The following DOCK4 variants were observed in gnomAD, a reference collection of about 807,000 sequenced individuals.
DOCK4 encodes dedicator of cytokinesis protein 4.
In DOCK4, 97 loss-of-function variants were observed where a neutral mutation model predicts 268.1. The ratio of observed to expected loss-of-function variants is 0.36; its 90% confidence interval spans 0.31 to 0.43. The LOEUF is 0.43. Among genes scored for constraint, DOCK4 ranks in the 20% least tolerant of loss-of-function variants. The pLI, the probability that DOCK4 is intolerant of heterozygous loss-of-function variation, is 1.00. For missense variants in DOCK4, 2,145 were observed against 2,455.7 expected, an observed-to-expected ratio of 0.87 and a Z score of 2.67; for synonymous variants, 954 against 887.2, an observed-to-expected ratio of 1.08 and a Z score of -1.34.
chr7:112,140,034 TC>T (rs1814749232), intron 1 of DOCK4, among the ~76,000 whole-genome samples: 1 of 151,958 alleles, frequency 6.6e-6, no homozygotes, highest in African/African-American at 2.4e-5. Context: ...AAAAGAGACA[TC>T]CCCTAAGGCC....
chr7:112,104,134 A>G (rs144193388), intron 1 of DOCK4, among the ~76,000 whole-genome samples: 1 of 152,272 alleles, frequency 6.6e-6, no homozygotes, highest in Non-Finnish European at 1.5e-5. Flanking sequence ...CCAGCCACAC[A>G]GAAAGATCTC....
chr7:112,173,043 A>G (rs1214653178), intron 1 of DOCK4, among the ~76,000 whole-genome samples: 3 of 152,218 alleles, frequency 2.0e-5, no homozygotes, highest in East Asian at 1.9e-4. Context: ...TCACACAGAC[A>G]TTTATAATTT....
chr7:111,959,684 C>G (rs1796714022), intron 8 of DOCK4, among the ~76,000 whole-genome samples: 1 of 152,154 alleles, frequency 6.6e-6, no homozygotes, highest in African/African-American at 2.4e-5. Flanking sequence ...ACAACTCAGT[C>G]TTTTCAAAAG....
chr7:112,193,711 T>C (rs1238216595), intron 1 of DOCK4, among the ~76,000 whole-genome samples: 1 of 152,030 alleles, frequency 6.6e-6, no homozygotes. Flanking sequence ...TTGATTACAC[T>C]GAGGTTGAGG....
intron 1 of DOCK4, among the ~76,000 whole-genome samples, chr7:112,200,178 A>C (rs1587043496): frequency 2.0e-5 from 3 of 152,334 alleles, no homozygotes; most frequent in Admixed American, 2.0e-4. Flanking sequence ...GTCAGGACCC[A>C]TTAACAAGTC....
chr7:111,987,806 C>G (rs1018325253), intron 6 of DOCK4, among the ~76,000 whole-genome samples: 1 of 152,212 alleles, frequency 6.6e-6, no homozygotes, highest in Non-Finnish European at 1.5e-5. Context: ...TCTTGCTGCC[C>G]CTCCACATTT....
intron 8 of DOCK4, among the ~76,000 whole-genome samples, chr7:111,953,467 A>G (rs773796686): frequency 1.2e-4 from 19 of 152,194 alleles, no homozygotes; most frequent in Non-Finnish European, 2.5e-4. Flanking sequence ...CATTCTGTCA[A>G]ATGTTTTCTG....
At chr7:111,759,099 T>C (rs1797224390) in intron 40 of DOCK4, among the ~76,000 whole-genome samples, 1 of 152,166 alleles carries the variant, frequency 6.6e-6, no homozygotes. Context: ...TGTAGGTAGA[T>C]GGGAATGGTT....
At chr7:111,840,903 C>G in intron 25 of DOCK4, 2 of 1,222,694 alleles carry the variant, frequency 1.6e-6, no homozygotes, top group South Asian at 2.4e-5. Context: ...TTCAACAGAT[C>G]TTCAGTCTCC....
At chr7:111,935,452 G>C (rs556966201) in intron 12 of DOCK4, 88 bp downstream of exon 12, 1 of 1,127,726 alleles carries the variant, frequency 8.9e-7, no homozygotes, top group Non-Finnish European at 1.4e-6. Flanking sequence ...AAAAACAAAG[G>C]GCTGATAATT....
At chr7:112,139,316 C>T (rs1014004710) in intron 1 of DOCK4, among the ~76,000 whole-genome samples, 8 of 152,104 alleles carry the variant, frequency 5.3e-5, no homozygotes, top group Non-Finnish European at 7.4e-5. Flanking sequence ...CTGAGTCTTT[C>T]GAACAAAGAC....
chr7:111,759,941 T>C (rs531704108), intron 40 of DOCK4, among the ~76,000 whole-genome samples: 1 of 151,836 alleles, frequency 6.6e-6, no homozygotes, highest in African/African-American at 2.4e-5. Flanking sequence ...ATACAAGAGG[T>C]TTAATTAAAA....
chr7:112,068,223 T>A (rs1161008360), intron 1 of DOCK4, among the ~76,000 whole-genome samples: 1 of 152,202 alleles, frequency 6.6e-6, no homozygotes, highest in African/African-American at 2.4e-5. Context: ...AAAATCCTTC[T>A]GGGTCAGTTT....
rs532715518 is a variant in DOCK4, at chr7:112,062,920, G to A, written c.38-58789C>T. Among the ~76,000 whole-genome samples, 62 of 152,168 alleles carry A rather than the reference G, an allele frequency of 4.1e-4. 2 individuals are homozygous for A. The South Asian group carries it at 0.011, about 27-fold the overall frequency. On this transcript the variant is annotated intron_variant, in intron 1 of 52. Coordinates refer to ENST00000428084, the MANE Select transcript of DOCK4 (RefSeq NM_001363540.2). ...TCTCTATCTCCTGACCTCGTGATCC[G>A]CCTGCCTCAGCCTCCCAAAGTGCTG...
intron 1 of DOCK4, among the ~76,000 whole-genome samples, chr7:112,177,075 A>G (rs986137852): frequency 4.6e-5 from 7 of 152,230 alleles, no homozygotes; most frequent in Non-Finnish European, 8.8e-5. Flanking sequence ...CAAGCTCCAG[A>G]GCACAAAATC....
chr7:112,115,188 G>A (rs534000761), intron 1 of DOCK4, among the ~76,000 whole-genome samples: 56 of 152,256 alleles, frequency 3.7e-4, no homozygotes, highest in South Asian at 1.0e-3. Context: ...CAATGGCTGC[G>A]TAAAAGAATC....
intron 12 of DOCK4, among the ~76,000 whole-genome samples, chr7:111,933,705 T>C (rs567874700): frequency 5.3e-5 from 8 of 152,250 alleles, no homozygotes; most frequent in African/African-American, 1.9e-4. Flanking sequence ...CTGCCCTCAA[T>C]AGTAAGTGCT....
intron 8 of DOCK4, among the ~76,000 whole-genome samples, chr7:111,969,928 T>C (rs1253315569): frequency 1.3e-5 from 2 of 152,194 alleles, no homozygotes; most frequent in Non-Finnish European, 1.5e-5. Context: ...CACCTCAGTT[T>C]ATGCATGTCC....
intron 12 of DOCK4, among the ~76,000 whole-genome samples, chr7:111,929,900 A>C (rs187808692): frequency 6.6e-6 from 1 of 152,350 alleles, no homozygotes; most frequent in East Asian, 1.9e-4. Context: ...AAGACTTTGA[A>C]GTTTCTCTTG....
Sources: allele counts gnomAD v4.1 joint callset (sites outside exome capture counted in the v4.1 genomes callset), GRCh38; gene constraint gnomAD v4.1.1; transcripts MANE v1.5; gene names NCBI Gene and HGNC (gene_info 2026-07-23, HGNC 2026-07-21).